The following RALYL variants were observed in gnomAD, a reference collection of about 807,000 sequenced individuals.
RALYL encodes RALY RNA binding protein like, also known as RNA-binding Raly-like protein.
RALYL carries 29 observed loss-of-function variants against 35.1 expected under a neutral mutation model. The ratio of observed to expected loss-of-function variants is 0.83; its 90% CI spans 0.61 to 1.13. The LOEUF (loss-of-function observed/expected upper bound fraction) is 1.13. Among genes scored for constraint, RALYL ranks in the 50% most tolerant of loss-of-function variants. The pLI is 0.00. For synonymous variants in RALYL, 120 were observed against 127.6 expected, an observed-to-expected ratio of 0.94 and a Z score of 0.40; for missense variants, 359 against 360.4, an observed-to-expected ratio of 1.00 and a Z score of 0.03.
chr8:84,885,962 T>C lies in RALYL; in HGVS notation c.686-1642T>C, dbSNP rs148421107. ...AGTAAAACCCAGAGGTAGGTATAGA[T>C]GAGGAAAGAATGACTTAATGTGCTT... On this transcript the variant is annotated intron_variant, in intron 7 of 8. Transcript: ENST00000521268. Among the ~76,000 whole-genome samples the C allele has an allele frequency of 2.1e-3, 322 of 152,216 alleles. 1 individual carries two copies. The highest frequency in any genetic ancestry group is 7.3e-3 in the African/African-American group (302 of 41,548).
chr8:84,383,743 A>G (rs1320879106), intron 1 of RALYL, among the ~76,000 whole-genome samples: 2 of 151,030 alleles, frequency 1.3e-5, no homozygotes, highest in African/African-American at 2.4e-5. Flanking sequence ...TGAAAGGAAG[A>G]AAAAAGAGGA....
intron 1 of RALYL, among the ~76,000 whole-genome samples, chr8:84,490,421 G>T (rs1023279501): frequency 1.3e-5 from 2 of 151,972 alleles, no homozygotes; most frequent in African/African-American, 4.8e-5. Context: ...AGAAAAGATT[G>T]AAGGTTGTTG....
intron 3 of RALYL, among the ~76,000 whole-genome samples, chr8:84,781,631 T>C (rs1818182262): frequency 6.6e-6 from 1 of 151,976 alleles, no homozygotes; most frequent in Non-Finnish European, 1.5e-5. Context: ...ATGATAAAAA[T>C]CAAAGGAAGT....
rs1446219956 is a variant in RALYL at position 84,240,953 on chromosome 8, A to AGG, written c.-24+56529_-24+56530insGG. ...TACCTCATTCCCTACCTCCCTTGGT[A>AGG]TTAACAGGGAAAAATTCTATTAAAT... On this transcript the variant is annotated intron_variant, in intron 1 of 8. Coordinates refer to ENST00000521268, the MANE Select transcript of RALYL (RefSeq NM_173848.7). 8.5e-5 allele frequency among the ~76,000 whole-genome samples: 13 copies of AGG among 152,278 alleles called. No homozygotes were observed. In the East Asian group the frequency reaches 2.1e-3, roughly 25 times the overall value.
At chr8:84,703,105 C>T (rs988160734) in intron 2 of RALYL, among the ~76,000 whole-genome samples, 1 of 152,072 alleles carries the variant, frequency 6.6e-6, no homozygotes, top group Non-Finnish European at 1.5e-5. Context: ...TCCACTTTCA[C>T]CAAGGACTCT....
At position 84,529,307 on chromosome 8, in the gene RALYL, C is replaced by G; in HGVS notation, c.-15C>G. The G allele has an allele frequency of 6.4e-7, 1 of 1,559,340 alleles. No homozygotes were observed. Among genetic ancestry groups the G allele is most frequent in the Non-Finnish European group, 8.7e-7 (1 of 1,150,164 alleles). On this transcript the variant is annotated 5_prime_UTR_variant, in exon 2 of 9. Coordinates refer to ENST00000521268, the MANE Select transcript of RALYL (RefSeq NM_173848.7). ...TTGTTTGTTTGTTTAAGGATTAAAG[C>G]AAGGAGAGCCAATCATGACTGGCAA...
chr8:84,225,962 T>G (rs1424297740), intron 1 of RALYL, among the ~76,000 whole-genome samples: 1 of 152,190 alleles, frequency 6.6e-6, no homozygotes. Flanking sequence ...TTAGTGAGTT[T>G]AATAGAAGGA....
chr8:84,479,964 G>T (rs1036282476), intron 1 of RALYL, among the ~76,000 whole-genome samples: 3 of 152,096 alleles, frequency 2.0e-5, no homozygotes, highest in African/African-American at 7.2e-5. Context: ...CTGAGATTTG[G>T]AGTTTAAAGC....
chr8:84,215,875 A>G (rs945334202), intron 1 of RALYL, among the ~76,000 whole-genome samples: 4 of 152,174 alleles, frequency 2.6e-5, no homozygotes, highest in Non-Finnish European at 4.4e-5. Context: ...ACAACAACGA[A>G]TGCTACAAAA....
chr8:84,716,971 G>A (rs532652007), intron 2 of RALYL, among the ~76,000 whole-genome samples: 31 of 152,188 alleles, frequency 2.0e-4, no homozygotes, highest in African/African-American at 6.5e-4. Context: ...GGCAGATCAC[G>A]AGATCAGAAG....
chr8:84,332,408 T>C (rs1395161608), intron 1 of RALYL, among the ~76,000 whole-genome samples: 1 of 152,098 alleles, frequency 6.6e-6, no homozygotes, highest in Admixed American at 6.6e-5. Context: ...AATTGATTAT[T>C]GTTTTATTAT....
chr8:84,656,959 A>G (rs1332915548), intron 2 of RALYL, among the ~76,000 whole-genome samples: 1 of 152,256 alleles, frequency 6.6e-6, no homozygotes, highest in South Asian at 2.1e-4. Flanking sequence ...ATGTTTTATG[A>G]GGCAAAATGA....
At chr8:84,492,909 C>CT (rs750476316) in intron 1 of RALYL, among the ~76,000 whole-genome samples, 1 of 148,398 alleles carries the variant, frequency 6.7e-6, no homozygotes, top group African/African-American at 2.6e-5. Flanking sequence ...ATATATCCAT[C>CT]TTTTTTTAAA....
At chr8:84,426,461 T>G (rs1563909885) in intron 1 of RALYL, among the ~76,000 whole-genome samples, 1 of 150,974 alleles carries the variant, frequency 6.6e-6, no homozygotes, top group African/African-American at 2.4e-5. Flanking sequence ...TGTGTGTGTG[T>G]GTGTGTGTGT....
At chr8:84,540,362 A>C (rs1427050744) in intron 2 of RALYL, among the ~76,000 whole-genome samples, 1 of 151,610 alleles carries the variant, frequency 6.6e-6, no homozygotes, top group Admixed American at 6.6e-5. Flanking sequence ...CTATTAAATT[A>C]AGGAAGTTAT....
chr8:84,349,501 GCCTACCA>G (rs1850480409), intron 1 of RALYL, among the ~76,000 whole-genome samples: 1 of 150,080 alleles, frequency 6.7e-6, no homozygotes, highest in African/African-American at 2.5e-5. Context: ...GCTGTCCCCT[GCCTACCA>G]CACTGGACAT....
intron 1 of RALYL, among the ~76,000 whole-genome samples, chr8:84,280,127 A>G (rs977805905): frequency 2.0e-5 from 3 of 152,338 alleles, no homozygotes; most frequent in Admixed American, 6.5e-5. Context: ...GAAAAGAATT[A>G]TCAGTACCTA....
At chr8:84,734,964 T>C (rs1050668905) in intron 2 of RALYL, among the ~76,000 whole-genome samples, 2 of 151,712 alleles carry the variant, frequency 1.3e-5, no homozygotes, top group Admixed American at 1.3e-4. Flanking sequence ...AACATGAATA[T>C]ATATATATGT....
At chr8:84,305,477 A>G (rs2132432989) in intron 1 of RALYL, among the ~76,000 whole-genome samples, 1 of 152,356 alleles carries the variant, frequency 6.6e-6, no homozygotes, top group South Asian at 2.1e-4. Flanking sequence ...TTACTTAAAA[A>G]TTTGTATAGA....
Sources: allele counts gnomAD v4.1 joint callset (sites outside exome capture counted in the v4.1 genomes callset), GRCh38; gene constraint gnomAD v4.1.1; transcripts MANE v1.5; gene names NCBI Gene and HGNC (gene_info 2026-07-23, HGNC 2026-07-21).